Variants in MLLT3 observed in about 807,000 individuals in gnomAD.
MLLT3 encodes the protein protein AF-9.
Under a neutral mutation model 53.2 loss-of-function variants are expected in MLLT3, and 4 were observed. That is an observed-to-expected ratio of 0.08 (90% CI 0.04 to 0.17). The LOEUF (loss-of-function observed/expected upper bound fraction) is 0.17, where lower values mean the gene tolerates loss of function less well. Ranked by LOEUF, MLLT3 falls within the 10% of genes least tolerant of loss-of-function variation. The pLI is 1.00. For synonymous variants in MLLT3, 283 were observed against 230.6 expected, an observed-to-expected ratio of 1.23 and a Z score of -2.06; for missense variants, 569 against 684.0, an observed-to-expected ratio of 0.83 and a Z score of 1.87.
At chr9:20,359,370 C>T (rs1036517539) in intron 8 of MLLT3, among the ~76,000 whole-genome samples, 4 of 152,078 alleles carry the variant, frequency 2.6e-5, no homozygotes, top group Admixed American at 6.6e-5. Flanking sequence ...AGGTAAAAGA[C>T]GGCTGGGCCA....
At chr9:20,547,641 T>C (rs1228423324) in intron 2 of MLLT3, among the ~76,000 whole-genome samples, 4 of 68,730 alleles carry the variant, frequency 5.8e-5, no homozygotes, top group East Asian at 5.9e-4. Flanking sequence ...TGAAACTCCA[T>C]CTCAAAAAAA....
At chr9:20,594,796 A>T (rs1054932218) in intron 2 of MLLT3, among the ~76,000 whole-genome samples, 8 of 152,148 alleles carry the variant, frequency 5.3e-5, no homozygotes, top group Admixed American at 2.0e-4. Flanking sequence ...ACTCCCACCA[A>T]TGCCAAGATA....
chr9:20,608,544 G>C (rs1046451132), intron 2 of MLLT3, among the ~76,000 whole-genome samples: 9 of 151,714 alleles, frequency 5.9e-5, no homozygotes, highest in African/African-American at 9.7e-5. Context: ...TGTTAAGAAA[G>C]GTAAGAACGT....
chr9:20,489,302 G>A (rs995047845), intron 2 of MLLT3, among the ~76,000 whole-genome samples: 3 of 152,168 alleles, frequency 2.0e-5, no homozygotes, highest in East Asian at 1.9e-4. Context: ...GCAGGCCTAT[G>A]TAAATATCCT....
chr9:20,389,905 T>G (rs772797071), intron 5 of MLLT3, among the ~76,000 whole-genome samples: 7 of 152,214 alleles, frequency 4.6e-5, no homozygotes, highest in Non-Finnish European at 7.3e-5. Flanking sequence ...CTCATTAAAT[T>G]TTTTCTTTTC....
At chr9:20,382,208 C>A (rs866827097) in intron 5 of MLLT3, among the ~76,000 whole-genome samples, 25 of 151,824 alleles carry the variant, frequency 1.6e-4, no homozygotes, top group African/African-American at 5.3e-4. Context: ...TTCTATACAT[C>A]AAAACCTCCT....
chr9:20,386,315 T>A (rs1822034613), intron 5 of MLLT3, among the ~76,000 whole-genome samples: 2 of 152,114 alleles, frequency 1.3e-5, no homozygotes, highest in South Asian at 4.2e-4. Context: ...AGGCACAGCA[T>A]GTTGAAGAGT....
intron 2 of MLLT3, among the ~76,000 whole-genome samples, chr9:20,556,708 G>T (rs2150338): frequency 0.026 from 4,021 of 151,942 alleles, 158 homozygotes; most frequent in African/African-American, 0.088. Context: ...ATAAATAAAA[G>T]TTGGGGGAGA....
At chr9:20,550,754 T>G (rs1352237316) in intron 2 of MLLT3, among the ~76,000 whole-genome samples, 1 of 151,990 alleles carries the variant, frequency 6.6e-6, no homozygotes, top group East Asian at 1.9e-4. Context: ...GTCTTATTTA[T>G]TTTATTTATT....
intron 2 of MLLT3, among the ~76,000 whole-genome samples, chr9:20,516,496 A>G (rs1214158151): frequency 6.6e-6 from 1 of 152,226 alleles, no homozygotes; most frequent in African/African-American, 2.4e-5. Flanking sequence ...TCTATGTCTC[A>G]GGAATGCTAT....
intron 2 of MLLT3, among the ~76,000 whole-genome samples, chr9:20,510,897 A>C (rs1219038401): frequency 2.0e-5 from 3 of 152,236 alleles, no homozygotes; most frequent in African/African-American, 4.8e-5. Context: ...ATTACTGCTT[A>C]AAAGAACAAA....
chr9:20,556,833 T>A (rs963884840), intron 2 of MLLT3, among the ~76,000 whole-genome samples: 2 of 152,164 alleles, frequency 1.3e-5, no homozygotes, highest in Non-Finnish European at 2.9e-5. Context: ...AGATTTTTCA[T>A]CAGCTCTACT....
At chr9:20,605,438 A>T (rs987378510) in intron 2 of MLLT3, among the ~76,000 whole-genome samples, 1 of 152,028 alleles carries the variant, frequency 6.6e-6, no homozygotes, top group Non-Finnish European at 1.5e-5. Context: ...GAAACAAAGT[A>T]ATTTAAATAA....
chr9:20,452,817 T>A (rs192784823), intron 3 of MLLT3, among the ~76,000 whole-genome samples: 108 of 152,246 alleles, frequency 7.1e-4, no homozygotes, highest in African/African-American at 2.5e-3. Flanking sequence ...AGATTTTAAA[T>A]TCATAAAATC....
At chr9:20,460,626 A>G (rs1586965539) in intron 2 of MLLT3, among the ~76,000 whole-genome samples, 1 of 152,150 alleles carries the variant, frequency 6.6e-6, no homozygotes, top group South Asian at 2.1e-4. Flanking sequence ...AGCAACCACA[A>G]TAATTATTCA....
At position 20,578,142 on chromosome 9, in the gene MLLT3, T is replaced by C. The variant is rs1317290747; in HGVS notation, c.193+42512A>G. 3.9e-5 allele frequency among the ~76,000 whole-genome samples: 6 copies of C among 152,186 alleles called. No individual in the cohort carries two copies. In the South Asian group the frequency reaches 1.0e-3, roughly 26 times the overall value. On this transcript the variant is annotated intron_variant, in intron 2 of 10. Transcript: ENST00000380338. ...TTAGTGGCTGGCATGATAGAAGAGA[T>C]AGACAACAATTTGGAGGATCTGTAC...
At chr9:20,352,337 G>A (rs1417717262) in intron 10 of MLLT3, among the ~76,000 whole-genome samples, 1 of 152,198 alleles carries the variant, frequency 6.6e-6, no homozygotes, top group African/African-American at 2.4e-5. Context: ...GAAGAGACGA[G>A]AAAGATCATG....
chr9:20,402,420 CA>C (rs1339672147), intron 5 of MLLT3, among the ~76,000 whole-genome samples: 5 of 152,150 alleles, frequency 3.3e-5, no homozygotes, highest in Admixed American at 6.6e-5. Flanking sequence ...AAGGATGACT[CA>C]TTATATTTGT....
At chr9:20,515,918 A>G (rs760693943) in intron 2 of MLLT3, among the ~76,000 whole-genome samples, 21 of 152,208 alleles carry the variant, frequency 1.4e-4, no homozygotes, top group Non-Finnish European at 5.9e-5. Flanking sequence ...TATATATTCC[A>G]CACCAGAGCA....
Sources: gnomAD v4.1 joint callset for allele counts (sites outside exome capture counted in the v4.1 genomes callset) on GRCh38, gnomAD v4.1.1 for gene constraint, MANE v1.5 for transcripts, NCBI Gene and HGNC (gene_info 2026-07-23, HGNC 2026-07-21) for gene names.